Variants in KRT83 observed in about 807,000 individuals in gnomAD.
The protein encoded by KRT83 is keratin, type II cuticular Hb3.
A neutral mutation model predicts 52.9 loss-of-function variants in KRT83; 51 were observed. The ratio of observed to expected loss-of-function variants is 0.96; its 90% CI spans 0.77 to 1.22. The LOEUF (loss-of-function observed/expected upper bound fraction) is 1.22, where lower values mean the gene tolerates loss of function less well. Ranked by LOEUF, KRT83 falls within the 50% of genes most tolerant of loss-of-function variation. The pLI is 0.00. For missense variants in KRT83, 654 were observed against 666.5 expected (o/e 0.98, Z 0.21); for synonymous variants, 278 against 274.1 (o/e 1.01, Z -0.14).
At chr12:52,317,135 A>G in intron 4 of KRT83, 112 bp from the exon 5 acceptor site, 2 of 1,354,952 alleles carry the variant, frequency 1.5e-6, no homozygotes, top group Non-Finnish European at 2.1e-6. Context: ...GTTTAGAGAA[A>G]CAAACCTGAT....
chr12:52,314,321 GA>G lies in KRT83; in HGVS notation c.*309del. 1 of 468,406 alleles carries G rather than the reference GA, an allele frequency of 2.1e-6. No homozygotes were observed. The highest frequency in any genetic ancestry group is 4.0e-6 in the Non-Finnish European group (1 of 253,022). The allele number at this position is 468,406 out of a possible 1,614,324, so 29.0% of individuals were successfully genotyped here. The stretch of plus-strand genomic sequence containing the variant: ...ACAAAGCAGGTCCCCAAGTTTATTG[GA>G]AAAGGGGAGACAAGAGGCCAGAGAG... On this transcript the variant is annotated 3_prime_UTR_variant, in exon 9 of 9. Coordinates refer to ENST00000293670, the MANE Select transcript of KRT83 (RefSeq NM_002282.3).
Position 52,314,606 on chromosome 12 carries a change from C to G in KRT83, c.*25G>C. 6.4e-7 allele frequency: 1 copy of G among 1,550,634 alleles called. No individual in the cohort carries two copies. The highest frequency in any genetic ancestry group is 8.7e-7 in the Non-Finnish European group (1 of 1,146,530). Reference sequence around the variant, plus strand: ...TGGCACGTCTGGCAGGCAGAAGGGGCTCCCCTGGCTCTCTTTTGGGCCACT... The same window carrying G: ...TGGCACGTCTGGCAGGCAGAAGGGGGTCCCCTGGCTCTCTTTTGGGCCACT... On this transcript the variant is annotated 3_prime_UTR_variant, in exon 9 of 9. Transcript: ENST00000293670.
rs1313014009 is a variant in KRT83 at position 52,317,018 on chromosome 12, G to T, written c.756C>A (p.Ile252=). The T allele has an allele frequency of 6.2e-7, 1 of 1,614,214 alleles. No individual in the cohort carries two copies. ...DFLRRLYEEE[I]RILQSHISDT... ...CTGAGATGTGGGATTGGAGAATGCGGATCTCCTGCAGGAGGTGGGGAAAGG... is the reference window on the plus strand; with the variant it reads ...CTGAGATGTGGGATTGGAGAATGCGTATCTCCTGCAGGAGGTGGGGAAAGG... Residue 252 remains isoleucine (I), a synonymous_variant, in exon 5 of 9, where the codon ATC becomes ATA. Coordinates refer to ENST00000293670, the MANE Select transcript of KRT83 (RefSeq NM_002282.3).
intron 4 of KRT83, 79 bp downstream of exon 4, chr12:52,317,602 T>G: frequency 6.8e-7 from 1 of 1,479,942 alleles, no homozygotes; most frequent in Non-Finnish European, 9.4e-7. Context: ...CAGGCCTGGT[T>G]CATGCCTGTG....
In KRT83 at chr12:52,316,912, C is replaced by T. The variant is rs752304933; in HGVS notation, c.862G>A (p.Asp288Asn). Residue 288 changes from aspartate (D) to asparagine (N), a missense_variant, in exon 5 of 9, where the codon GAT (aspartate) becomes AAT (asparagine). By Grantham distance (23) the Asp-to-Asn change is conservative. Transcript: ENST00000293670. Reference protein sequence around the residue: ...CIVAEIKAQYDDIATRSRAEA... With the variant: ...CIVAEIKAQYNDIATRSRAEA... ...GCCCGGCTACGGGTGGCAATGTCAT[C>T]ATACTGTGCCTTGATCTCGGCAACG... is the stretch of plus-strand genomic sequence containing the variant. 27 of 1,614,074 alleles carry T rather than the reference C, an allele frequency of 1.7e-5. No homozygotes were observed. In the South Asian group the frequency reaches 3.0e-4, roughly 18 times the overall value.
rs1285859174 is a variant in KRT83 at position 52,316,901 on chromosome 12, G to T, written c.873C>A (p.Ala291=). 1 of 1,614,184 alleles carries T rather than the reference G, an allele frequency of 6.2e-7. No homozygotes were observed. Among genetic ancestry groups the T allele is most frequent in the Admixed American group, 1.7e-5 (1 of 60,016 alleles). ...AEIKAQYDDI[A]TRSRAEAESW... ...ACTCGGCCTCAGCCCGGCTACGGGT[G>T]GCAATGTCATCATACTGTGCCTTGA... is the stretch of plus-strand genomic sequence containing the variant. The change falls in exon 5 of 9, where the codon GCC becomes GCA. Residue 291 remains alanine, a synonymous_variant. Coordinates refer to ENST00000293670, the MANE Select transcript of KRT83 (RefSeq NM_002282.3).
chr12:52,316,551 G>A lies in KRT83; in HGVS notation c.958C>T (p.Leu320=). ...KATVIRHGET[L]RRTKEEINEL... ...TTGATCTCCTCCTTGGTGCGGCGCA[G>A]GGTCTCCCCGTGCCTGATCACTGTG... The change falls in exon 6 of 9, where the codon CTG becomes TTG. Residue 320 remains leucine (L), a synonymous_variant. Transcript: ENST00000293670. The A allele has an allele frequency of 1.9e-6, 3 of 1,614,148 alleles. No homozygotes were observed. Among genetic ancestry groups the A allele is most frequent in the Non-Finnish European group, 2.5e-6 (3 of 1,180,026 alleles).
chr12:52,317,732 G>C lies in KRT83; in HGVS notation c.699C>G (p.Asn233Lys). The C allele has an allele frequency of 6.2e-7, 1 of 1,613,512 alleles. No individual in the cohort carries two copies. Among genetic ancestry groups the C allele is most frequent in the Non-Finnish European group, 8.5e-7 (1 of 1,179,952 alleles). Residue 233 changes from asparagine (N) to lysine (K), a missense_variant, in exon 4 of 9, where the codon AAC becomes AAG. Physicochemically the swap from Asn to Lys is moderately conservative, Grantham distance 94. Transcript: ENST00000293670. ...AYLRKSDLEA[N>K]VEALIQEIDF... is the part of the protein sequence containing the mutation. Reference sequence around the variant, plus strand: ...CAATCTCCTGGATCAGGGCCTCCACGTTGGCCTCCAGGTCTGACTTGCGGA... The same window carrying C: ...CAATCTCCTGGATCAGGGCCTCCACCTTGGCCTCCAGGTCTGACTTGCGGA...
At chr12:52,314,952 G>C in intron 8 of KRT83, 134 bp from the exon 9 acceptor site, 2 of 955,048 alleles carry the variant, frequency 2.1e-6, no homozygotes, top group South Asian at 1.4e-5. Flanking sequence ...CTGAAGGAGG[G>C]AACCCTAGCC....
intron 4 of KRT83, among the ~76,000 whole-genome samples, 171 bp downstream of exon 4, chr12:52,317,510 T>C (rs1477598290): frequency 6.6e-6 from 1 of 152,174 alleles, no homozygotes. Flanking sequence ...CTTTTTGGCT[T>C]TCCATCCGTT....
At position 52,316,019 on chromosome 12, in the gene KRT83, G is replaced by A. The variant is rs1469176183; in HGVS notation, c.1136C>T (p.Ala379Val). The A allele has an allele frequency of 6.8e-6, 11 of 1,613,398 alleles. No homozygotes were observed. The highest frequency in any genetic ancestry group is 9.3e-6 in the Non-Finnish European group (11 of 1,179,962). ...ARCKLAELEG[A>V]LQKAKQDMAC... The stretch of plus-strand genomic sequence containing the variant: ...CATGTCTTGCTTGGCCTTCTGCAGG[G>A]CGCCCTCCAGCTCGGCCAGCTTGCA... Residue 379 changes from alanine (A) to valine (V), a missense_variant, in exon 7 of 9, where the codon GCC (alanine) becomes GTC (valine). Ala to Val is a moderately conservative substitution (Grantham distance 64, BLOSUM62 0). Coordinates refer to ENST00000293670, the MANE Select transcript of KRT83 (RefSeq NM_002282.3).
chr12:52,317,342 C>A (rs909823836), intron 4 of KRT83, among the ~76,000 whole-genome samples: 27 of 152,260 alleles, frequency 1.8e-4, no homozygotes, highest in African/African-American at 5.5e-4. Flanking sequence ...GCTATTGCTG[C>A]CAGAGAAAGC....
rs774321223 is a variant in KRT83, at chr12:52,316,521, G to C, written c.988C>G (p.Leu330Val). 1.1e-5 allele frequency: 18 copies of C among 1,614,146 alleles called. No individual in the cohort carries two copies. In the South Asian group the frequency reaches 2.0e-4, roughly 18 times the overall value. The change falls in exon 6 of 9, where the codon CTG becomes GTG. Residue 330 changes from leucine to valine, a missense_variant. Leu to Val is a conservative substitution (Grantham distance 32). Transcript: ENST00000293670. Reference sequence around the variant, plus strand: ...GTCAGCCTCTGGATCATGCGGTTCAGCTCGTTGATCTCCTCCTTGGTGCGG... The same window carrying C: ...GTCAGCCTCTGGATCATGCGGTTCACCTCGTTGATCTCCTCCTTGGTGCGG... ...LRRTKEEINELNRMIQRLTAE... is the reference protein window; with the variant it reads ...LRRTKEEINEVNRMIQRLTAE...
chr12:52,315,972 G>C lies in KRT83; in HGVS notation c.1183C>G (p.Gln395Glu). ...QDMACLIREY[Q>E]EVMNSKLGLD... ...CCTAGCTTGGAGTTCATCACCTCCT[G>C]GTACTCCCTGATCAGGCAGGCCATG... is the stretch of plus-strand genomic sequence containing the variant. The change falls in exon 7 of 9, where the codon CAG (glutamine) becomes GAG (glutamate). Residue 395 changes from glutamine (Q) to glutamate (E), a missense_variant. By Grantham distance (29) the Gln-to-Glu change is conservative. Coordinates refer to ENST00000293670, the MANE Select transcript of KRT83 (RefSeq NM_002282.3). 2 of 1,613,100 alleles carry C rather than the reference G, an allele frequency of 1.2e-6. No homozygotes were observed. Among genetic ancestry groups the C allele is most frequent in the Non-Finnish European group, 8.5e-7 (1 of 1,179,932 alleles).
At position 52,319,452 on chromosome 12, in the gene KRT83, C is replaced by T. The variant is rs557789538; in HGVS notation, c.385-88G>A. On this transcript the variant is annotated intron_variant, in intron 1 of 8. Transcript: ENST00000293670. ...CCCAGCACGAGGGCCTGAAAGCCCCCAACTCTCTGACCCAGAGTCTTCCCT... is the reference window on the plus strand; with the variant it reads ...CCCAGCACGAGGGCCTGAAAGCCCCTAACTCTCTGACCCAGAGTCTTCCCT... 4 of 1,564,134 alleles carry T rather than the reference C, an allele frequency of 2.6e-6. No individual in the cohort carries two copies. The East Asian group carries it at 9.1e-5, about 35-fold the overall frequency.
At position 52,315,919 on chromosome 12, in the gene KRT83, C is replaced by A. The variant is rs1938678550; in HGVS notation, c.1236G>T (p.Arg412Ser). Residue 412 changes from arginine (R) to serine (S), a missense_variant, in exon 7 of 9, where the codon AGG becomes AGT. Physicochemically the swap from Arg to Ser is moderately radical, Grantham distance 110 (BLOSUM62 -1). Coordinates refer to ENST00000293670, the MANE Select transcript of KRT83 (RefSeq NM_002282.3). ...LGLDIEIATYRRLLEGEEQRL... is the reference protein window; with the variant it reads ...LGLDIEIATYSRLLEGEEQRL... The stretch of plus-strand genomic sequence containing the variant: ...TCTGCTCCTCGCCCTCCAGCAGGCG[C>A]CTGTAGGTGGCGATCTCGATATCCA... The A allele has an allele frequency of 1.3e-5, 21 of 1,612,704 alleles. No homozygotes were observed. The highest frequency in any genetic ancestry group is 1.7e-5 in the Non-Finnish European group (20 of 1,179,886).
At position 52,314,344 on chromosome 12, in the gene KRT83, A is replaced by C; in HGVS notation, c.*287T>G. 1 of 521,444 alleles carries C rather than the reference A, an allele frequency of 1.9e-6. No homozygotes were observed. The highest frequency in any genetic ancestry group is 3.5e-6 in the Non-Finnish European group (1 of 286,122). 32.3% of individuals were successfully genotyped at this position (521,444 alleles called of 1,614,324 possible). ...TGGAAAAGGGGAGACAAGAGGCCAG[A>C]GAGGCAGGGGGAACAGTCTCACAGT... On this transcript the variant is annotated 3_prime_UTR_variant, in exon 9 of 9. Transcript: ENST00000293670.
chr12:52,321,065 T>A lies in KRT83; in HGVS notation c.271A>T (p.Ser91Cys). 2 of 1,612,428 alleles carry A rather than the reference T, an allele frequency of 1.2e-6. No individual in the cohort carries two copies. Among genetic ancestry groups the A allele is most frequent in the Non-Finnish European group, 1.7e-6 (2 of 1,179,854 alleles). ...PCITTVSVNE[S>C]LLTPLNLEID... ...TCCAGGTTGAGGGGCGTGAGGAGGCTCTCGTTGACCGACACGGTGGTGATG... is the reference window on the plus strand; with the variant it reads ...TCCAGGTTGAGGGGCGTGAGGAGGCACTCGTTGACCGACACGGTGGTGATG... The change falls in exon 1 of 9, where the codon AGC (serine) becomes TGC (cysteine). Residue 91 changes from serine to cysteine, a missense_variant. By Grantham distance (112) the Ser-to-Cys change is moderately radical. Transcript: ENST00000293670.
Position 52,317,919 on chromosome 12 carries a change from A to G in KRT83, c.645T>C (p.Ala215=). The G allele has an allele frequency of 6.2e-7, 1 of 1,614,184 alleles. No homozygotes were observed. The highest frequency in any genetic ancestry group is 8.5e-7 in the Non-Finnish European group (1 of 1,180,026). Residue 215 remains alanine, a synonymous_variant, in exon 3 of 9, where the codon GCT becomes GCC. Transcript: ENST00000293670. ...GCTGGGCTTCACTCACCTTCTTTAG[A>G]GCCACAAACTCGTTCTCTGCTGTGG... The part of the protein sequence containing the change: ...LRATAENEFV[A]LKKDVDCAYL...
Sources: gnomAD v4.1 joint callset for allele counts (sites outside exome capture counted in the v4.1 genomes callset) on GRCh38, gnomAD v4.1.1 for gene constraint, MANE v1.5 for transcripts, NCBI Gene and HGNC (gene_info 2026-07-23, HGNC 2026-07-21) for gene names.